The following SPRY3 variants were observed in gnomAD, a reference collection of about 807,000 sequenced individuals.
SPRY3 encodes the protein protein sprouty homolog 3.
In SPRY3, 15 loss-of-function variants were observed where a neutral mutation model predicts 20.2. The observed-to-expected ratio is 0.74, with a 90% confidence interval of 0.50 to 1.14. The LOEUF (loss-of-function observed/expected upper bound fraction) is 1.14. Ranked by LOEUF, SPRY3 falls within the 50% of genes most tolerant of loss-of-function variation. The pLI is 0.00. For synonymous variants in SPRY3, 143 were observed against 136.5 expected, an observed-to-expected ratio of 1.05 and a Z score of -0.33; for missense variants, 364 against 363.9, an observed-to-expected ratio of 1.00 and a Z score of 0.00.
At chrX:155,656,977 G>A (rs1229104514) in exon 2 of SPRY3, among the ~76,000 whole-genome samples, 1 of 111,298 alleles carries the variant, frequency 9.0e-6, no homozygotes, top group African/African-American at 3.3e-5. Flanking sequence ...TGGAAGCTTT[G>A]TCCCAGAGGG....
intron 3 of SPRY3, among the ~76,000 whole-genome samples, chrX:155,772,648 A>G (rs2091387957): frequency 6.6e-6 from 1 of 152,028 alleles, no homozygotes; most frequent in Non-Finnish European, 1.5e-5. Context: ...GCAGTCTGCT[A>G]TTTGTACAGT....
At chrX:155,716,658 C>T (rs1421812168) in intron 2 of SPRY3, among the ~76,000 whole-genome samples, 4 of 151,684 alleles carry the variant, frequency 2.6e-5, no homozygotes, top group African/African-American at 9.7e-5. Context: ...ATCTGTCTTC[C>T]CCGTGCTGTG....
At chrX:155,708,214 G>T (rs1186886896) in intron 2 of SPRY3, among the ~76,000 whole-genome samples, 1 of 151,184 alleles carries the variant, frequency 6.6e-6, no homozygotes, top group African/African-American at 2.4e-5. Flanking sequence ...TCTTAGCAGT[G>T]AATTTTCTCA....
chrX:155,708,307 G>A (rs1000443833), intron 2 of SPRY3, among the ~76,000 whole-genome samples: 1 of 151,364 alleles, frequency 6.6e-6, no homozygotes, highest in African/African-American at 2.4e-5. Context: ...TTGCTCAACA[G>A]ATTTTTTTCT....
intron 1 of SPRY3, among the ~76,000 whole-genome samples, chrX:155,645,257 C>T (rs1471564630): frequency 8.9e-6 from 1 of 111,984 alleles, no homozygotes; most frequent in East Asian, 2.8e-4. Context: ...AAAGGGGTCT[C>T]CTCTGGAGGC....
chrX:155,649,929 C>CA (rs1442216099), intron 1 of SPRY3, among the ~76,000 whole-genome samples: 2 of 111,859 alleles, frequency 1.8e-5, no homozygotes, highest in East Asian at 5.6e-4. Flanking sequence ...GCTCAGGATA[C>CA]AAAATCAATG....
chrX:155,647,731 A>G (rs1262483672), intron 1 of SPRY3, among the ~76,000 whole-genome samples: 1 of 111,966 alleles, frequency 8.9e-6, no homozygotes, highest in Non-Finnish European at 1.9e-5. Context: ...GTTGGTTCCA[A>G]GTCTTTGCTA....
chrX:155,720,182 C>T (rs929833825), intron 2 of SPRY3, among the ~76,000 whole-genome samples: 23 of 152,088 alleles, frequency 1.5e-4, no homozygotes, highest in African/African-American at 5.6e-4. Context: ...GGCCTGTGAT[C>T]GTGTTGGCCA....
intron 2 of SPRY3, among the ~76,000 whole-genome samples, chrX:155,744,375 T>C (rs1320356739): frequency 6.6e-6 from 1 of 151,970 alleles, no homozygotes; most frequent in East Asian, 1.9e-4. Context: ...GCAGTTTGTG[T>C]AAAAGGAGGC....
At chrX:155,719,211 T>C (rs761260183) in intron 2 of SPRY3, among the ~76,000 whole-genome samples, 2 of 152,262 alleles carry the variant, frequency 1.3e-5, no homozygotes, top group African/African-American at 2.4e-5. Context: ...TGTCCTGTTA[T>C]AGCAGAAAAC....
At chrX:155,766,202 C>G (rs778251827) in intron 2 of SPRY3, among the ~76,000 whole-genome samples, 5 of 152,246 alleles carry the variant, frequency 3.3e-5, no homozygotes, top group East Asian at 3.9e-4. Flanking sequence ...TTTGGAGCAC[C>G]TTAAACACAT....
intron 2 of SPRY3, among the ~76,000 whole-genome samples, chrX:155,708,656 T>C (rs1265828046): frequency 5.9e-5 from 9 of 151,502 alleles, no homozygotes; most frequent in Non-Finnish European, 1.0e-4. Context: ...GTACATGAGA[T>C]ATTTTGGTAC....
chrX:155,763,814 C>G (rs1258100858), intron 2 of SPRY3, among the ~76,000 whole-genome samples: 1 of 152,192 alleles, frequency 6.6e-6, no homozygotes, highest in Non-Finnish European at 1.5e-5. Context: ...CACTTTCACC[C>G]ATGCCCTAGT....
rs143201234 is a variant in SPRY3, at chrX:155,656,081, T to A, written c.-440-786T>A. On this transcript the variant is annotated intron_variant, in intron 1 of 3. Transcript: ENST00000675360. ...AATCTGACAATTATGTGTCTTGGGG[T>A]TGCTCTTCTTGAGGAATATCTTAGT... is the stretch of plus-strand genomic sequence containing the variant. Among the ~76,000 whole-genome samples, 287 of 111,320 alleles carry A rather than the reference T, an allele frequency of 2.6e-3. 2 individuals are homozygous for A. Among genetic ancestry groups the A allele is most frequent in the Admixed American group, 0.022 (232 of 10,467 alleles).
At chrX:155,673,077 A>AT (rs374345778) in intron 2 of SPRY3, among the ~76,000 whole-genome samples, 20 of 27,530 alleles carry the variant, frequency 7.3e-4, no homozygotes, top group Non-Finnish European at 1.1e-3. Flanking sequence ...GGGTGGGGTG[A>AT]GGGGGAGGGA....
At chrX:155,693,105 C>CA (rs1002420241) in intron 2 of SPRY3, among the ~76,000 whole-genome samples, 5 of 110,270 alleles carry the variant, frequency 4.5e-5, no homozygotes, top group African/African-American at 1.6e-4. Context: ...TTTTCCTTTC[C>CA]AAAAAACATT....
intron 2 of SPRY3, among the ~76,000 whole-genome samples, chrX:155,705,622 A>G (rs1418532814): frequency 7.9e-5 from 12 of 151,328 alleles, no homozygotes; most frequent in Non-Finnish European, 1.3e-4. Flanking sequence ...CAAGAAACTC[A>G]CTTTAACTGT....
At chrX:155,714,387 G>GCTGTA (rs2091007114) in intron 2 of SPRY3, among the ~76,000 whole-genome samples, 1 of 151,522 alleles carries the variant, frequency 6.6e-6, no homozygotes, top group African/African-American at 2.4e-5. Flanking sequence ...TGGACCCCAA[G>GCTGTA]TCCAATAATG....
At position 155,631,864 on chromosome X, in the gene SPRY3, AT is replaced by A. The variant is rs2067907548; in HGVS notation, c.-441+19218del. ...TGATACAGGCATGTAATGTGTAATA[AT>A]CACAACAGGGTAAATGGGATATCCA... On this transcript the variant is annotated intron_variant, in intron 1 of 3. Transcript: ENST00000675360. Among the ~76,000 whole-genome samples the A allele has an allele frequency of 4.5e-5, 5 of 111,760 alleles. No individual in the cohort carries two copies. The South Asian group carries it at 1.9e-3, about 41-fold the overall frequency.
Sources: gnomAD v4.1 joint callset for allele counts (sites outside exome capture counted in the v4.1 genomes callset) on GRCh38, gnomAD v4.1.1 for gene constraint, MANE v1.5 for transcripts, NCBI Gene and HGNC (gene_info 2026-07-23, HGNC 2026-07-21) for gene names.